AP3S1: variants seen among roughly 807,000 people sequenced by gnomAD.
AP3S1 encodes the protein adaptor related protein complex 3 subunit sigma 1, also known as AP-3 complex subunit sigma-1.
Under a neutral mutation model 21.3 loss-of-function variants are expected in AP3S1, and 12 were observed. The observed-to-expected ratio is 0.56, with a 90% CI of 0.36 to 0.91. The LOEUF is 0.91. AP3S1 is among the 40% of genes least tolerant of loss of function. The pLI is 0.01. For synonymous variants in AP3S1, 48 were observed against 78.4 expected, an observed-to-expected ratio of 0.61 and a Z score of 2.05; for missense variants, 116 against 225.0, an observed-to-expected ratio of 0.52 and a Z score of 3.10.
At chr5:115,882,455 C>T (rs866298223) in intron 3 of AP3S1, among the ~76,000 whole-genome samples, 4 of 152,144 alleles carry the variant, frequency 2.6e-5, no homozygotes, top group Admixed American at 6.6e-5. Flanking sequence ...CTAACAGGCC[C>T]CTCTGCTGCA....
intron 5 of AP3S1, among the ~76,000 whole-genome samples, chr5:115,908,438 A>T (rs987679614): frequency 2.0e-5 from 3 of 152,174 alleles, no homozygotes; most frequent in African/African-American, 7.2e-5. Context: ...AGGTCAGCTC[A>T]TGAGCTGGTT....
chr5:115,902,334 C>A (rs1157771462), intron 4 of AP3S1, among the ~76,000 whole-genome samples: 2 of 152,094 alleles, frequency 1.3e-5, no homozygotes, highest in East Asian at 1.9e-4. Flanking sequence ...TAGAAGAAAT[C>A]TGAATATTAC....
chr5:115,901,218 T>C (rs979654061), intron 4 of AP3S1, among the ~76,000 whole-genome samples: 16 of 152,272 alleles, frequency 1.1e-4, no homozygotes, highest in African/African-American at 3.1e-4. Flanking sequence ...AAATTAGATA[T>C]GCATATACAC....
Position 115,866,717 on chromosome 5 carries a change from A to G in AP3S1, c.117A>G (p.Val39=), listed in dbSNP as rs1763649009. The G allele has an allele frequency of 1.2e-6, 2 of 1,606,004 alleles. No individual in the cohort carries two copies. The highest frequency in any genetic ancestry group is 1.7e-5 in the Admixed American group (1 of 59,286). Reference sequence around the variant, plus strand: ...TCATCAGGGAGACTTTCCATTTGGTATCTAAGAGAGATGAAAATGTTTGTA... The same window carrying G: ...TCATCAGGGAGACTTTCCATTTGGTGTCTAAGAGAGATGAAAATGTTTGTA... ...QQIIRETFHL[V]SKRDENVCNF... Residue 39 remains valine (V), a synonymous_variant, in exon 2 of 6, where the codon GTA becomes GTG. Coordinates refer to ENST00000316788, the MANE Select transcript of AP3S1 (RefSeq NM_001284.4).
chr5:115,911,854 A>G (rs541315503), intron 5 of AP3S1, among the ~76,000 whole-genome samples: 78 of 152,146 alleles, frequency 5.1e-4, no homozygotes, highest in African/African-American at 1.7e-3. Context: ...GGTCAATCAC[A>G]TTTTTAGTTG....
At chr5:115,869,893 C>T in intron 2 of AP3S1, 124 bp from the exon 3 acceptor site, 1 of 559,926 alleles carries the variant, frequency 1.8e-6, no homozygotes. Flanking sequence ...CACTTAAATA[C>T]TTTGCCATTG....
chr5:115,854,178 C>A (rs1178646560), intron 1 of AP3S1, among the ~76,000 whole-genome samples: 1 of 152,158 alleles, frequency 6.6e-6, no homozygotes, highest in East Asian at 1.9e-4. Context: ...GCAGAGCCCT[C>A]ATGACCTTAT....
intron 3 of AP3S1, among the ~76,000 whole-genome samples, chr5:115,889,004 T>C (rs1219245300): frequency 6.6e-6 from 1 of 152,206 alleles, no homozygotes; most frequent in African/African-American, 2.4e-5. Context: ...TTTGAAGGCA[T>C]GTATGTCTTC....
At chr5:115,908,089 A>T (rs1208637191) in intron 5 of AP3S1, among the ~76,000 whole-genome samples, 2 of 152,164 alleles carry the variant, frequency 1.3e-5, no homozygotes, top group Non-Finnish European at 2.9e-5. Context: ...GTTTGAGAAG[A>T]AGTAGCAACA....
intron 2 of AP3S1, among the ~76,000 whole-genome samples, chr5:115,867,140 A>G (rs948325594): frequency 7.2e-5 from 11 of 152,092 alleles, no homozygotes; most frequent in Admixed American, 1.3e-4. Flanking sequence ...GTGTTGACTA[A>G]CCTACAACCT....
intron 1 of AP3S1, among the ~76,000 whole-genome samples, chr5:115,847,626 T>G (rs1762155562): frequency 6.6e-6 from 1 of 152,010 alleles, no homozygotes; most frequent in Admixed American, 6.5e-5. Flanking sequence ...TCAACAAATT[T>G]AAAAAAATAT....
rs1054695357 is a variant in AP3S1 at position 115,913,845 on chromosome 5, A to C, written c.*355A>C. 1.1e-5 allele frequency: 2 copies of C among 187,630 alleles called. No homozygotes were observed. The highest frequency in any genetic ancestry group is 2.2e-5 in the Non-Finnish European group (2 of 91,258). The allele number at this position is 187,630 out of a possible 1,614,324, so 11.6% of individuals were successfully genotyped here. ...CCTAAAATGTTGGTGTTTTGTATGG[A>C]TCACAAGTGCAGCATTCCTTAATTC... On this transcript the variant is annotated 3_prime_UTR_variant, in exon 6 of 6. Coordinates refer to ENST00000316788, the MANE Select transcript of AP3S1 (RefSeq NM_001284.4).
At position 115,866,050 on chromosome 5, in the gene AP3S1, C is replaced by CCT. The variant is rs535883924; in HGVS notation, c.70-616_70-615dup. On this transcript the variant is annotated intron_variant, in intron 1 of 5. Transcript: ENST00000316788. ...TGACCTTGTGATCCACCCATCTCGG[C>CCT]CTCTCAGAGTGCTGGGATTACAGGC... Among the ~76,000 whole-genome samples, 679 of 152,294 alleles carry CCT rather than the reference C, an allele frequency of 4.5e-3. 2 individuals are homozygous for CCT. The highest frequency in any genetic ancestry group is 7.1e-3 in the Admixed American group (109 of 15,306).
chr5:115,909,308 TAAAAACAAAATC>T (rs1378206073), intron 5 of AP3S1, among the ~76,000 whole-genome samples: 1 of 152,198 alleles, frequency 6.6e-6, no homozygotes, highest in Non-Finnish European at 1.5e-5. Flanking sequence ...TCTGGCAATT[TAAAAACAAAATC>T]AAAAACAAAT....
intron 3 of AP3S1, among the ~76,000 whole-genome samples, chr5:115,889,714 C>G (rs62371477): frequency 0.23 from 34,799 of 151,724 alleles, 4,521 homozygotes; most frequent in African/African-American, 0.33. Flanking sequence ...AAATACAGAC[C>G]CTTGTAATCC....
At chr5:115,851,637 T>C (rs1481456806) in intron 1 of AP3S1, among the ~76,000 whole-genome samples, 3 of 152,136 alleles carry the variant, frequency 2.0e-5, no homozygotes, top group Non-Finnish European at 4.4e-5. Context: ...TCTATTTGAG[T>C]CTTTTGCCCA....
chr5:115,852,933 A>T (rs1023340529), intron 1 of AP3S1: 3 of 437,194 alleles, frequency 6.9e-6, no homozygotes, highest in East Asian at 7.1e-5. Context: ...TGCTATGAAC[A>T]TTCATGTATG....
chr5:115,878,588 G>C (rs1426176439), intron 3 of AP3S1, among the ~76,000 whole-genome samples: 1 of 152,042 alleles, frequency 6.6e-6, no homozygotes, highest in African/African-American at 2.4e-5. Context: ...CATGCTGTTT[G>C]GGTTACTCTA....
At chr5:115,904,085 AAAAG>A (rs971634469) in intron 5 of AP3S1, 5 of 152,160 alleles carry the variant, frequency 3.3e-5, no homozygotes, top group African/African-American at 9.7e-5. Context: ...CTCAAAAAAA[AAAAG>A]AAAGATCAAT....
Sources: allele counts gnomAD v4.1 joint callset (sites outside exome capture counted in the v4.1 genomes callset), GRCh38; gene constraint gnomAD v4.1.1; transcripts MANE v1.5; gene names NCBI Gene and HGNC (gene_info 2026-07-23, HGNC 2026-07-21).